The following FAM151A variants were observed in gnomAD, a reference collection of about 807,000 sequenced individuals.
FAM151A encodes family with sequence similarity 151 member A, also known as protein FAM151A.
A neutral mutation model predicts 40.4 loss-of-function variants in FAM151A; 41 were observed. The ratio of observed to expected loss-of-function variants is 1.01; its 90% CI spans 0.79 to 1.32. FAM151A has a LOEUF of 1.32. FAM151A is among the 40% of genes most tolerant of loss of function. FAM151A has a pLI of 0.00. For synonymous variants in FAM151A, 337 were observed against 312.5 expected (o/e 1.08, Z -0.83); for missense variants, 740 against 740.4 (o/e 1.00, Z 0.01).
At chr1:54,616,239 A>G in intron 2 of FAM151A, 67 bp from the exon 3 acceptor site, 1 of 1,365,120 alleles carries the variant, frequency 7.3e-7, no homozygotes, top group South Asian at 1.3e-5. Flanking sequence ...TCTCATCATA[A>G]AAGCATTACA....
chr1:54,623,397 G>T lies in FAM151A; in HGVS notation c.-2C>A. 3 of 1,611,880 alleles carry T rather than the reference G, an allele frequency of 1.9e-6. No homozygotes were observed. In the South Asian group the frequency reaches 3.3e-5, roughly 18 times the overall value. On this transcript the variant is annotated 5_prime_UTR_variant, in exon 1 of 8. Transcript: ENST00000302250. ...TGATAACTGCTCCCTGCAGACCATG[G>T]CGACGCTCTCTGGGGAATGCCCCCA... is the stretch of plus-strand genomic sequence containing the variant.
At chr1:54,619,489 G>C (rs1167216078) in intron 2 of FAM151A, among the ~76,000 whole-genome samples, 2 of 152,168 alleles carry the variant, frequency 1.3e-5, no homozygotes, top group East Asian at 1.9e-4. Flanking sequence ...TGTGTAATGT[G>C]CGCCCAGTGA....
intron 1 of FAM151A, among the ~76,000 whole-genome samples, chr1:54,620,845 C>CAAAAAAAAAAAAAAAAA (rs767625864): frequency 8.3e-5 from 1 of 12,118 alleles, no homozygotes; most frequent in Non-Finnish European, 1.5e-4. Flanking sequence ...GAGACTCTGT[C>CAAAAAAAAAAAAAAAAA]AAAAAAAAAA....
chr1:54,610,630 A>G, intron 6 of FAM151A, 75 bp from the exon 7 acceptor site: 1 of 1,560,880 alleles, frequency 6.4e-7, no homozygotes, highest in South Asian at 1.2e-5. Context: ...AGGGTCCCAT[A>G]GGCCACAGCT....
chr1:54,615,513 A>G (rs1046330229), intron 3 of FAM151A, among the ~76,000 whole-genome samples: 1 of 152,108 alleles, frequency 6.6e-6, no homozygotes, highest in African/African-American at 2.4e-5. Context: ...TTGGGGCAGG[A>G]AGCCAGTGAG....
rs773232370 is a variant in FAM151A, at chr1:54,612,703, C to CCA, written c.581_582dup (p.Ala195TrpfsTer69). On this transcript the variant is annotated frameshift_variant, in exon 5 of 8. Coordinates refer to ENST00000302250, the MANE Select transcript of FAM151A (RefSeq NM_176782.3). LOFTEE classifies it high-confidence loss of function. ...TTGGGATACTTCTCCTGGACCAGGG[C>CCA]CAGGAACCTGCAAAAAAATCAGAGA... The CCA allele has an allele frequency of 9.9e-6, 16 of 1,612,902 alleles. No homozygotes were observed. In the South Asian group the frequency reaches 1.6e-4, roughly 17 times the overall value.
chr1:54,616,921 G>A (rs1644179026), intron 2 of FAM151A, among the ~76,000 whole-genome samples: 1 of 152,080 alleles, frequency 6.6e-6, no homozygotes, highest in African/African-American at 2.4e-5. Flanking sequence ...GCCCTGTCTG[G>A]TCTTGAACTC....
At chr1:54,612,832 A>G in intron 4 of FAM151A, 122 bp from the exon 5 acceptor site, 1 of 700,426 alleles carries the variant, frequency 1.4e-6, no homozygotes, top group South Asian at 1.8e-5. Flanking sequence ...GGTCAGAAGC[A>G]GAGTCCCAAA....
chr1:54,614,986 C>A, intron 3 of FAM151A, 127 bp from the exon 4 acceptor site: 1 of 914,898 alleles, frequency 1.1e-6, no homozygotes, highest in East Asian at 2.6e-5. Context: ...CAGGGGAGGG[C>A]GGAAGGACCA....
At position 54,612,714 on chromosome 1, in the gene FAM151A, CA is replaced by C. The variant is rs763058077; in HGVS notation, c.576-5del. 6.2e-7 allele frequency: 1 copy of C among 1,609,564 alleles called. No individual in the cohort carries two copies. Among genetic ancestry groups the C allele is most frequent in the Non-Finnish European group, 8.5e-7 (1 of 1,177,714 alleles). On this transcript the variant is annotated splice_region_variant and splice_polypyrimidine_tract_variant and intron_variant, in intron 4 of 7. Transcript: ENST00000302250. ...CTCCTGGACCAGGGCCAGGAACCTGCAAAAAAATCAGAGATGTTGGTCTCAC... is the reference window on the plus strand; with the variant it reads ...CTCCTGGACCAGGGCCAGGAACCTGCAAAAAATCAGAGATGTTGGTCTCAC...
chr1:54,611,303 C>T (rs1231427065), intron 6 of FAM151A, among the ~76,000 whole-genome samples: 2 of 152,022 alleles, frequency 1.3e-5, no homozygotes, highest in African/African-American at 2.4e-5. Context: ...GGCATGGTGG[C>T]GCAGGAGAAT....
Position 54,609,728 on chromosome 1 carries a change from C to A in FAM151A, c.1298G>T (p.Ser433Ile). 1 of 1,614,162 alleles carries A rather than the reference C, an allele frequency of 6.2e-7. No homozygotes were observed. Among genetic ancestry groups the A allele is most frequent in the Middle Eastern group, 1.7e-4 (1 of 6,060 alleles). The change falls in exon 8 of 8, where the codon AGC (serine) becomes ATC (isoleucine). Residue 433 changes from serine (S) to isoleucine (I), a missense_variant. Ser to Ile is a moderately radical substitution (Grantham distance 142). Coordinates refer to ENST00000302250, the MANE Select transcript of FAM151A (RefSeq NM_176782.3). ...CACAGGCCAATGCAAGAGGCCAAGG[C>A]TGGAGAGGCGTGCCAGCAAGGCCAG... Reference protein sequence around the residue: ...PSLALLARLSSLGLLHWPVWV... With the variant: ...PSLALLARLSILGLLHWPVWV...
chr1:54,609,278 C>A lies in FAM151A; in HGVS notation c.1748G>T (p.Gly583Val). Residue 583 changes from glycine (G) to valine (V), a missense_variant, in exon 8 of 8, where the codon GGT becomes GTT. Gly to Val is a moderately radical substitution (Grantham distance 109). Coordinates refer to ENST00000302250, the MANE Select transcript of FAM151A (RefSeq NM_176782.3). Reference protein sequence around the residue: ...GYHKDLLAHVGRN With the variant: ...GYHKDLLAHVVRN Reference sequence around the variant, plus strand: ...ACCACCCCTGGGTGCTCAGTTTCTACCAACATGAGCCAGCAAGTCCTTGTG... The same window carrying A: ...ACCACCCCTGGGTGCTCAGTTTCTAACAACATGAGCCAGCAAGTCCTTGTG... 6.2e-7 allele frequency: 1 copy of A among 1,604,492 alleles called. No individual in the cohort carries two copies. The highest frequency in any genetic ancestry group is 1.1e-5 in the South Asian group (1 of 90,242).
At chr1:54,620,032 T>G in intron 1 of FAM151A, 25 bp from the exon 2 acceptor site, 2 of 1,611,764 alleles carry the variant, frequency 1.2e-6, no homozygotes, top group Non-Finnish European at 1.7e-6. Flanking sequence ...AAGGGGCTGT[T>G]AGCGTCTGTC....
intron 2 of FAM151A, among the ~76,000 whole-genome samples, chr1:54,616,397 T>G (rs1443800822): frequency 6.6e-6 from 1 of 151,944 alleles, no homozygotes; most frequent in African/African-American, 2.4e-5. Context: ...GGAGTCTTGC[T>G]CTATCGCCCA....
In FAM151A at chr1:54,609,767, G is replaced by A; in HGVS notation, c.1259C>T (p.Ala420Val). The A allele has an allele frequency of 6.2e-7, 1 of 1,614,104 alleles. No homozygotes were observed. The highest frequency in any genetic ancestry group is 1.1e-5 in the South Asian group (1 of 91,090). The change falls in exon 8 of 8, where the codon GCC (alanine) becomes GTC (valine). Residue 420 changes from alanine to valine, a missense_variant. Coordinates refer to ENST00000302250, the MANE Select transcript of FAM151A (RefSeq NM_176782.3). ...GIHLQIAEPA[A>V]LRPSLALLAR... ...CAGCAAGGCCAGGGATGGCCGGAGG[G>A]CTGCGGGCTCCGCTATTTGCAAATG...
chr1:54,610,525 G>GT lies in FAM151A; in HGVS notation c.970dup (p.Thr324AsnfsTer15). The GT allele has an allele frequency of 6.2e-7, 1 of 1,613,302 alleles. No individual in the cohort carries two copies. ...GAGAAGAGGGATCAGGCTGCCTCCC[G>GT]TGTAGTACATTGGTTTCCGTGTGGC... On this transcript the variant is annotated frameshift_variant, in exon 7 of 8. Transcript: ENST00000302250. LOFTEE classifies it high-confidence loss of function.
chr1:54,619,835 C>G, intron 2 of FAM151A, 29 bp downstream of exon 2: 1 of 1,611,084 alleles, frequency 6.2e-7, no homozygotes, highest in African/African-American at 1.3e-5. Context: ...CTTGCCCTGG[C>G]CTGCCTCAGT....
At position 54,612,691 on chromosome 1, in the gene FAM151A, C is replaced by T; in HGVS notation, c.595G>A (p.Glu199Lys). 9 of 1,613,780 alleles carry T rather than the reference C, an allele frequency of 5.6e-6. No homozygotes were observed. Among genetic ancestry groups the T allele is most frequent in the Non-Finnish European group, 7.6e-6 (9 of 1,179,920 alleles). The change falls in exon 5 of 8, where the codon GAG becomes AAG. Residue 199 changes from glutamate (E) to lysine (K), a missense_variant. Physicochemically the swap from Glu to Lys is moderately conservative, Grantham distance 56. Coordinates refer to ENST00000302250, the MANE Select transcript of FAM151A (RefSeq NM_176782.3). ...GATAGGGTAGCCTTGGGATACTTCT[C>T]CTGGACCAGGGCCAGGAACCTGCAA... Reference protein sequence around the residue: ...NATQFLALVQEKYPKATLSPG... With the variant: ...NATQFLALVQKKYPKATLSPG...
Sources: allele counts gnomAD v4.1 joint callset (sites outside exome capture counted in the v4.1 genomes callset), GRCh38; gene constraint gnomAD v4.1.1; transcripts MANE v1.5; gene names NCBI Gene and HGNC (gene_info 2026-07-23, HGNC 2026-07-21).